Variants in MGAT4C observed in about 807,000 individuals in gnomAD.
MGAT4C encodes MGAT4 family member C, also known as alpha-1,3-mannosyl-glycoprotein 4-beta-N-acetylglucosaminyltransferase C.
A neutral mutation model predicts 40.1 loss-of-function variants in MGAT4C; 19 were observed. The observed-to-expected ratio is 0.47, with a 90% CI of 0.33 to 0.70. MGAT4C has a LOEUF of 0.70. Ranked by LOEUF, MGAT4C falls within the 30% of genes least tolerant of loss-of-function variation. The pLI is 0.02. For missense variants in MGAT4C, 491 were observed against 563.2 expected, an observed-to-expected ratio of 0.87 and a Z score of 1.30; for synonymous variants, 181 against 187.1, an observed-to-expected ratio of 0.97 and a Z score of 0.27.
chr12:86,334,030 A>G (rs1212283066), intron 4 of MGAT4C: 1 of 152,186 alleles, frequency 6.6e-6, no homozygotes, highest in African/African-American at 2.4e-5. Context: ...TATATAGCAT[A>G]GTAAAATTCA....
At chr12:86,478,484 G>C (rs1330794327) in intron 2 of MGAT4C, among the ~76,000 whole-genome samples, 1 of 152,026 alleles carries the variant, frequency 6.6e-6, no homozygotes, top group Non-Finnish European at 1.5e-5. Context: ...TAAATCCTTA[G>C]ATCTATGTCA....
intron 4 of MGAT4C, among the ~76,000 whole-genome samples, chr12:86,309,424 G>A (rs1034509673): frequency 6.6e-6 from 1 of 152,158 alleles, no homozygotes; most frequent in Non-Finnish European, 1.5e-5. Flanking sequence ...TCAAAGTGCA[G>A]GCATCTGGCT....
At position 86,305,363 on chromosome 12, in the gene MGAT4C, G is replaced by A. The variant is rs1033754667; in HGVS notation, c.-57+28702C>T. Among the ~76,000 whole-genome samples the A allele has an allele frequency of 5.4e-5, 8 of 148,934 alleles. 1 individual carries two copies. The highest frequency in any genetic ancestry group is 2.1e-4 in the African/African-American group (8 of 38,992). ...CTGAAGCAGGAGAATCCCTTGAACT[G>A]AGGAGGCAGATATTGTGGTGAGCTG... On this transcript the variant is annotated intron_variant, in intron 4 of 7. Transcript: ENST00000548651.
intron 3 of MGAT4C, among the ~76,000 whole-genome samples, chr12:86,350,423 A>G (rs1310917117): frequency 1.3e-5 from 2 of 152,186 alleles, no homozygotes; most frequent in Non-Finnish European, 2.9e-5. Flanking sequence ...TGTGCAATAA[A>G]TGCTTAACAA....
At chr12:86,211,479 C>T (rs562571138) in intron 1 of MGAT4C, among the ~76,000 whole-genome samples, 2 of 145,384 alleles carry the variant, frequency 1.4e-5, no homozygotes, top group Non-Finnish European at 3.0e-5. Context: ...CCCAGCTACT[C>T]GGGAGGCTGA....
At chr12:86,795,285 T>C (rs80320122) in intron 1 of MGAT4C, among the ~76,000 whole-genome samples, 4,542 of 151,664 alleles carry the variant, frequency 0.03, 237 homozygotes, top group African/African-American at 0.1. Flanking sequence ...TAAGAAAGAG[T>C]GGAGAAAAAT....
intron 2 of MGAT4C, among the ~76,000 whole-genome samples, chr12:86,532,726 A>G (rs1959005555): frequency 6.6e-6 from 1 of 152,076 alleles, no homozygotes; most frequent in Non-Finnish European, 1.5e-5. Context: ...GGGGACAACT[A>G]CATTTTAATA....
At chr12:86,643,920 TTTG>T (rs1963463004) in intron 2 of MGAT4C, among the ~76,000 whole-genome samples, 1 of 151,742 alleles carries the variant, frequency 6.6e-6, no homozygotes, top group African/African-American at 2.4e-5. Flanking sequence ...AAAAGGTGAA[TTTG>T]TTGTTTTGTG....
chr12:86,604,630 A>T (rs528537338), intron 2 of MGAT4C, among the ~76,000 whole-genome samples: 1 of 152,268 alleles, frequency 6.6e-6, no homozygotes, highest in Non-Finnish European at 1.5e-5. Flanking sequence ...AAAAACTGGA[A>T]GTCACTTTCA....
At chr12:86,718,272 T>C (rs1260016668) in intron 2 of MGAT4C, among the ~76,000 whole-genome samples, 1 of 152,208 alleles carries the variant, frequency 6.6e-6, no homozygotes, top group Non-Finnish European at 1.5e-5. Flanking sequence ...AGTATTTCAA[T>C]AGTTCTTGTG....
At chr12:86,706,563 C>T (rs1295382602) in intron 2 of MGAT4C, among the ~76,000 whole-genome samples, 3 of 152,004 alleles carry the variant, frequency 2.0e-5, no homozygotes, top group Non-Finnish European at 2.9e-5. Flanking sequence ...CAGCCTTATA[C>T]TAGTTTTTAT....
intron 1 of MGAT4C, among the ~76,000 whole-genome samples, chr12:86,099,217 T>C (rs534430710): frequency 6.6e-6 from 1 of 151,580 alleles, no homozygotes; most frequent in Non-Finnish European, 1.5e-5. Flanking sequence ...CAGAAAGTGA[T>C]TGCTCACCAT....
At chr12:86,252,694 T>C (rs1308452048) in intron 1 of MGAT4C, among the ~76,000 whole-genome samples, 1 of 150,070 alleles carries the variant, frequency 6.7e-6, no homozygotes, top group Non-Finnish European at 1.5e-5. Flanking sequence ...AGATATTAAG[T>C]TTTTAATTAA....
chr12:86,556,938 T>A (rs1443269652), intron 2 of MGAT4C, among the ~76,000 whole-genome samples: 1 of 152,094 alleles, frequency 6.6e-6, no homozygotes, highest in Non-Finnish European at 1.5e-5. Context: ...ACTATTTTTT[T>A]AAGAAGAAAG....
At chr12:86,413,210 A>T (rs1234097666) in intron 3 of MGAT4C, among the ~76,000 whole-genome samples, 2 of 152,186 alleles carry the variant, frequency 1.3e-5, no homozygotes, top group Non-Finnish European at 2.9e-5. Context: ...AGCTGTAGAC[A>T]TTTCACAGAT....
intron 2 of MGAT4C, among the ~76,000 whole-genome samples, chr12:86,564,993 T>C (rs1019593379): frequency 2.6e-5 from 4 of 152,172 alleles, no homozygotes; most frequent in Non-Finnish European, 4.4e-5. Flanking sequence ...CAGAGGCCTC[T>C]GGGATTTTGG....
chr12:86,055,789 T>C (rs899324148), intron 1 of MGAT4C, among the ~76,000 whole-genome samples: 2 of 152,040 alleles, frequency 1.3e-5, no homozygotes, highest in African/African-American at 4.8e-5. Flanking sequence ...GGGAGAATAG[T>C]ATCTTGTTTT....
chr12:86,015,353 G>C (rs1197332792), intron 2 of MGAT4C, among the ~76,000 whole-genome samples: 3 of 152,008 alleles, frequency 2.0e-5, no homozygotes, highest in African/African-American at 7.2e-5. Context: ...GCTGCCTCCC[G>C]ACAAGCTGTT....
At chr12:86,099,670 T>C (rs1197672180) in intron 1 of MGAT4C, among the ~76,000 whole-genome samples, 5 of 151,366 alleles carry the variant, frequency 3.3e-5, no homozygotes. Flanking sequence ...TAAAAGGAAA[T>C]TTCCCTTTGA....
Sources: gnomAD v4.1 joint callset for allele counts (sites outside exome capture counted in the v4.1 genomes callset) on GRCh38, gnomAD v4.1.1 for gene constraint, MANE v1.5 for transcripts, NCBI Gene and HGNC (gene_info 2026-07-23, HGNC 2026-07-21) for gene names.